Variants in MTFR1 observed in about 807,000 individuals in gnomAD.
MTFR1 encodes mitochondrial fission regulator 1.
A neutral mutation model predicts 38.8 loss-of-function variants in MTFR1; 28 were observed. That is an observed-to-expected ratio of 0.72 (90% CI 0.53 to 0.99). The LOEUF is 0.99. MTFR1 is among the 50% of genes least tolerant of loss of function. The probability of loss-of-function intolerance (pLI) is 0.00; values close to 1 mark genes in which losing one functional copy is unlikely to be tolerated. For synonymous variants in MTFR1, 145 were observed against 137.0 expected (o/e 1.06, Z -0.41); for missense variants, 358 against 395.5 (o/e 0.91, Z 0.81).
chr8:65,740,508 C>G (rs1448010354), intron 3 of MTFR1, among the ~76,000 whole-genome samples: 3 of 152,160 alleles, frequency 2.0e-5, no homozygotes, highest in Non-Finnish European at 4.4e-5. Context: ...TCAAGCGATT[C>G]TCCTGCCTCA....
At chr8:65,703,427 T>TTTTG (rs1805678834) in intron 4 of MTFR1, among the ~76,000 whole-genome samples, 4 of 118,660 alleles carry the variant, frequency 3.4e-5, no homozygotes, top group African/African-American at 1.4e-4. Context: ...TGGTTTTTTT[T>TTTTG]TTTTTTTTTT....
At chr8:65,761,064 CTT>C (rs748642226) in intron 3 of MTFR1, among the ~76,000 whole-genome samples, 15 of 142,970 alleles carry the variant, frequency 1.0e-4, no homozygotes, top group Admixed American at 1.4e-4. Flanking sequence ...ATTGTTTTTT[CTT>C]TTTTTTTTTT....
chr8:65,734,658 G>A (rs1807047410), intron 3 of MTFR1: 1 of 583,912 alleles, frequency 1.7e-6, no homozygotes, highest in South Asian at 2.4e-5. Flanking sequence ...TCAGAAACTT[G>A]ATCCAGCTAG....
At chr8:65,724,175 A>G in intron 3 of MTFR1, 1 of 854,320 alleles carries the variant, frequency 1.2e-6, no homozygotes. Flanking sequence ...ACCCATATAA[A>G]TTATTGAGTT....
intron 3 of MTFR1, among the ~76,000 whole-genome samples, chr8:65,768,991 T>C (rs1041524103): frequency 6.6e-6 from 1 of 152,144 alleles, no homozygotes. Context: ...CTCACACCTG[T>C]AATCCCAGCA....
rs1217172449 is a variant in MTFR1, at chr8:65,687,090, C to T, written c.165+4639C>T. Among the ~76,000 whole-genome samples the T allele has an allele frequency of 3.9e-5, 6 of 152,110 alleles. No individual in the cohort carries two copies. In the East Asian group the frequency reaches 7.7e-4, roughly 19 times the overall value. Reference sequence around the variant, plus strand: ...TCCCTCTGGTGGCTTTGTTCTCTTGCCTTCTACTATTCTAAGTGTGTTACG... The same window carrying T: ...TCCCTCTGGTGGCTTTGTTCTCTTGTCTTCTACTATTCTAAGTGTGTTACG... On this transcript the variant is annotated intron_variant, in intron 3 of 7. Coordinates refer to ENST00000262146, the MANE Select transcript of MTFR1 (RefSeq NM_014637.4).
intron 1 of MTFR1, among the ~76,000 whole-genome samples, chr8:65,655,969 C>CATATATATATATATATATGTATATATATA: frequency 2.1e-4 from 12 of 56,464 alleles, no homozygotes; most frequent in African/African-American, 9.1e-4. Context: ...TATATATATA[C>CATATATATATATATATATGTATATATATA]CATATATATA....
At chr8:65,722,301 TTC>T (rs1806416396) in intron 3 of MTFR1, 1 of 152,264 alleles carries the variant, frequency 6.6e-6, no homozygotes, top group African/African-American at 2.4e-5. Flanking sequence ...CGCTCTTCCC[TTC>T]TCTACCTGTC....
intron 1 of MTFR1, among the ~76,000 whole-genome samples, chr8:65,665,733 C>T (rs975927952): frequency 2.0e-5 from 3 of 152,224 alleles, no homozygotes; most frequent in Admixed American, 1.3e-4. Flanking sequence ...AAGGGACCCT[C>T]CTCCCTCAGC....
downstream of MTFR1, among the ~76,000 whole-genome samples, chr8:65,771,905 A>AAAGAAG (rs1195303968): frequency 3.4e-5 from 5 of 145,400 alleles, no homozygotes; most frequent in African/African-American, 1.1e-4. Flanking sequence ...AAAAAAAAAA[A>AAAGAAG]AAGAAGAAGA....
At chr8:65,662,550 T>C (rs201720346) in intron 1 of MTFR1, among the ~76,000 whole-genome samples, 1 of 131,460 alleles carries the variant, frequency 7.6e-6, no homozygotes, top group Non-Finnish European at 1.7e-5. Flanking sequence ...CGTCTCTGCC[T>C]GGCCGCCCAT....
intron 3 of MTFR1, among the ~76,000 whole-genome samples, chr8:65,740,692 C>T (rs1807384312): frequency 6.6e-6 from 1 of 152,174 alleles, no homozygotes; most frequent in Non-Finnish European, 1.5e-5. Context: ...TGAGCTACCA[C>T]GCCTGGCCAA....
chr8:65,645,947 C>T (rs1049344897), intron 1 of MTFR1, among the ~76,000 whole-genome samples: 1 of 152,182 alleles, frequency 6.6e-6, no homozygotes, highest in Admixed American at 6.5e-5. Context: ...CTAGAGGGGT[C>T]AAGTAAAATA....
intron 2 of MTFR1, among the ~76,000 whole-genome samples, chr8:65,675,783 A>G (rs1052960282): frequency 6.6e-6 from 1 of 152,198 alleles, no homozygotes; most frequent in Non-Finnish European, 1.5e-5. Context: ...CCAGGCCTAT[A>G]TGCTATAATG....
At chr8:65,698,152 T>A (rs998909764) in intron 4 of MTFR1, among the ~76,000 whole-genome samples, 1 of 148,682 alleles carries the variant, frequency 6.7e-6, no homozygotes, top group African/African-American at 2.4e-5. Context: ...ATTTTTTTTT[T>A]TCTTTTTTTT....
At chr8:65,761,760 A>AT in intron 3 of MTFR1, among the ~76,000 whole-genome samples, 1 of 152,364 alleles carries the variant, frequency 6.6e-6, no homozygotes, top group East Asian at 1.9e-4. Flanking sequence ...AAAAAGTGGG[A>AT]TAGCAGACGA....
Position 65,707,068 on chromosome 8 carries a change from GCCCCTGCCTC to G in MTFR1, c.584_593del (p.Pro195HisfsTer13). On this transcript the variant is annotated frameshift_variant, in exon 6 of 8. Transcript: ENST00000262146. LOFTEE classifies it high-confidence loss of function. ...CACCACACCCTCCACCTCCCCCACC[GCCCCTGCCTC>G]CCCCTGCACTGGGGCTCCACCAAAG... 1 of 932,068 alleles carries G rather than the reference GCCCCTGCCTC, an allele frequency of 1.1e-6. No homozygotes were observed. Among genetic ancestry groups the G allele is most frequent in the Non-Finnish European group, 1.7e-6 (1 of 595,876 alleles). The allele number at this position is 932,068 out of a possible 1,614,324, so 57.7% of individuals were successfully genotyped here. A position where few individuals can be genotyped will look rare whatever the true frequency, so the allele number is the denominator to read the frequency against.
intron 2 of MTFR1, among the ~76,000 whole-genome samples, chr8:65,677,641 A>G (rs984611113): frequency 6.6e-6 from 1 of 151,382 alleles, no homozygotes; most frequent in Non-Finnish European, 1.5e-5. Context: ...CGGTCTCCCA[A>G]AATGCTGGGA....
intron 2 of MTFR1, among the ~76,000 whole-genome samples, chr8:65,716,751 C>G (rs1429263344): frequency 1.3e-5 from 2 of 152,150 alleles, no homozygotes; most frequent in Non-Finnish European, 2.9e-5. Flanking sequence ...CATGATAGTT[C>G]CACTCTCTAT....
Sources: gnomAD v4.1 joint callset for allele counts (sites outside exome capture counted in the v4.1 genomes callset) on GRCh38, gnomAD v4.1.1 for gene constraint, MANE v1.5 for transcripts, NCBI Gene and HGNC (gene_info 2026-07-23, HGNC 2026-07-21) for gene names.